Variants in NCAM2 observed in about 807,000 individuals in gnomAD.
The protein encoded by NCAM2 is neural cell adhesion molecule 2.
NCAM2 carries 30 observed loss-of-function variants against 98.1 expected under a neutral mutation model. The ratio of observed to expected loss-of-function variants is 0.31; its 90% CI spans 0.23 to 0.41. NCAM2 has a LOEUF of 0.41. NCAM2 is among the 10% of genes least tolerant of loss of function. The pLI is 1.00. For missense variants in NCAM2, 867 were observed against 1,005.8 expected (o/e 0.86, Z 1.87); for synonymous variants, 368 against 342.4 (o/e 1.07, Z -0.83).
At chr21:21,461,759 A>G (rs923133699) in intron 12 of NCAM2, among the ~76,000 whole-genome samples, 2 of 151,982 alleles carry the variant, frequency 1.3e-5, no homozygotes, top group African/African-American at 4.8e-5. Flanking sequence ...AGAACTTCAA[A>G]CACAATATAA....
intron 5 of NCAM2, among the ~76,000 whole-genome samples, chr21:21,293,848 C>A (rs8126773): frequency 6.6e-6 from 1 of 150,842 alleles, no homozygotes; most frequent in African/African-American, 2.4e-5. Context: ...GTGTTAAGTA[C>A]GTACTTATGA....
At chr21:21,212,228 G>T (rs1186586152) in intron 1 of NCAM2, among the ~76,000 whole-genome samples, 1 of 152,116 alleles carries the variant, frequency 6.6e-6, no homozygotes, top group African/African-American at 2.4e-5. Flanking sequence ...GTAATAAAAA[G>T]TAATAAACTA....
chr21:20,998,508 T>C lies in NCAM2; in HGVS notation c.-56T>C. The C allele has an allele frequency of 6.4e-7, 1 of 1,567,830 alleles. No individual in the cohort carries two copies. The highest frequency in any genetic ancestry group is 8.7e-7 in the Non-Finnish European group (1 of 1,146,262). ...GCGGCCGGGGCAGCGAAAGGTTCTC[T>C]CTCCAGGGCTGGACTTAATAACTTT... On this transcript the variant is annotated 5_prime_UTR_variant, in exon 1 of 18. Coordinates refer to ENST00000400546, the MANE Select transcript of NCAM2 (RefSeq NM_004540.5).
At chr21:21,191,828 C>G (rs901695803) in intron 1 of NCAM2, among the ~76,000 whole-genome samples, 3 of 152,134 alleles carry the variant, frequency 2.0e-5, no homozygotes, top group African/African-American at 7.2e-5. Flanking sequence ...AGGATGATTG[C>G]AACCTAGTGG....
intron 10 of NCAM2, among the ~76,000 whole-genome samples, chr21:21,410,978 G>T (rs545902143): frequency 5.7e-4 from 79 of 138,694 alleles, no homozygotes; most frequent in African/African-American, 2.1e-3. Flanking sequence ...CTGCACTCCA[G>T]CCTGGTGACA....
intron 1 of NCAM2, among the ~76,000 whole-genome samples, chr21:21,094,007 G>A (rs1172574087): frequency 6.6e-6 from 1 of 151,774 alleles, no homozygotes; most frequent in Non-Finnish European, 1.5e-5. Flanking sequence ...CGTCAAATTG[G>A]TAATTGCAAA....
At chr21:21,252,418 TATA>T (rs1398435570) in intron 1 of NCAM2, among the ~76,000 whole-genome samples, 9 of 150,546 alleles carry the variant, frequency 6.0e-5, no homozygotes, top group African/African-American at 2.2e-4. Context: ...TTATATAAAA[TATA>T]ATCAATTATT....
chr21:21,454,612 AT>A (rs1479137786), intron 12 of NCAM2, among the ~76,000 whole-genome samples: 1 of 152,016 alleles, frequency 6.6e-6, no homozygotes, highest in South Asian at 2.1e-4. Context: ...GTTATTTTTA[AT>A]AACTTCCCTG....
intron 1 of NCAM2, among the ~76,000 whole-genome samples, chr21:21,269,072 G>T (rs2072399505): frequency 6.6e-6 from 1 of 152,096 alleles, no homozygotes; most frequent in Non-Finnish European, 1.5e-5. Flanking sequence ...TTAAACAAAA[G>T]GTTGTTTCTG....
intron 1 of NCAM2, among the ~76,000 whole-genome samples, chr21:21,140,968 C>T (rs2067156424): frequency 6.6e-6 from 1 of 152,088 alleles, no homozygotes; most frequent in Admixed American, 6.6e-5. Context: ...ATGTACCCTG[C>T]TGTGAAGGAC....
At chr21:21,262,242 G>T (rs530684753) in intron 1 of NCAM2, among the ~76,000 whole-genome samples, 2 of 152,014 alleles carry the variant, frequency 1.3e-5, no homozygotes, top group Non-Finnish European at 2.9e-5. Flanking sequence ...GGAAGCCCAC[G>T]ACCAGACAGA....
intron 1 of NCAM2, among the ~76,000 whole-genome samples, chr21:21,132,806 A>AT (rs59656462): frequency 0.43 from 65,536 of 151,928 alleles, 14,777 homozygotes; most frequent in African/African-American, 0.57. Context: ...CATAATGAAT[A>AT]TTTTTTAAAA....
intron 8 of NCAM2, among the ~76,000 whole-genome samples, chr21:21,366,282 C>T (rs889825813): frequency 5.9e-5 from 9 of 151,966 alleles, no homozygotes; most frequent in Non-Finnish European, 1.0e-4. Context: ...TGTAGCATCT[C>T]CTGTAGGATA....
intron 5 of NCAM2, 108 bp downstream of exon 5, chr21:21,292,349 T>G: frequency 1.9e-6 from 2 of 1,054,546 alleles, no homozygotes; most frequent in Non-Finnish European, 1.4e-6. Context: ...AATAAACCTC[T>G]TCTATACCAG....
intron 15 of NCAM2, among the ~76,000 whole-genome samples, chr21:21,504,629 ATACTTAACTT>A (rs1987858930): frequency 6.6e-6 from 1 of 151,872 alleles, no homozygotes; most frequent in South Asian, 2.1e-4. Context: ...AATAATTAAA[ATACTTAACTT>A]TTATAGTTGT....
At chr21:21,324,521 C>A (rs1286708589) in intron 6 of NCAM2, 21 bp downstream of exon 6, 2 of 1,490,558 alleles carry the variant, frequency 1.3e-6, no homozygotes, top group Admixed American at 3.4e-5. Flanking sequence ...CACCCCCCTC[C>A]CTCTGGCTTG....
chr21:21,044,959 G>C (rs552241969), intron 1 of NCAM2, among the ~76,000 whole-genome samples: 4 of 152,166 alleles, frequency 2.6e-5, no homozygotes, highest in African/African-American at 7.2e-5. Flanking sequence ...TACACACACA[G>C]ATACAAATAT....
chr21:21,494,522 T>A lies in NCAM2; in HGVS notation c.2078-14329T>A, dbSNP rs578019382. Among the ~76,000 whole-genome samples the A allele has an allele frequency of 2.6e-5, 4 of 152,064 alleles. No individual in the cohort carries two copies. In the East Asian group the frequency reaches 7.7e-4, roughly 29 times the overall value. On this transcript the variant is annotated intron_variant, in intron 15 of 17. Transcript: ENST00000400546. ...TCTACTAATCAATACAAACACTAGTTGTTTTATAGCAAACAAACTGCATCC... is the reference window on the plus strand; with the variant it reads ...TCTACTAATCAATACAAACACTAGTAGTTTTATAGCAAACAAACTGCATCC...
intron 4 of NCAM2, among the ~76,000 whole-genome samples, chr21:21,286,952 TG>T: frequency 6.6e-6 from 1 of 151,884 alleles, no homozygotes. Flanking sequence ...TTTATTATTC[TG>T]GGGCAGTACG....
Sources: gnomAD v4.1 joint callset for allele counts (sites outside exome capture counted in the v4.1 genomes callset) on GRCh38, gnomAD v4.1.1 for gene constraint, MANE v1.5 for transcripts, NCBI Gene and HGNC (gene_info 2026-07-23, HGNC 2026-07-21) for gene names.